SLC25A22: variants seen among roughly 807,000 people sequenced by gnomAD.
SLC25A22 encodes solute carrier family 25 member 22, also known as mitochondrial glutamate carrier 1.
SLC25A22 carries 23 observed loss-of-function variants against 33.7 expected under a neutral mutation model. The ratio of observed to expected loss-of-function variants is 0.68; its 90% CI spans 0.49 to 0.97. The LOEUF (loss-of-function observed/expected upper bound fraction) is 0.97. Among genes scored for constraint, SLC25A22 ranks in the 50% least tolerant of loss-of-function variants. SLC25A22 has a pLI of 0.00. For missense variants in SLC25A22, 390 were observed against 451.1 expected, an observed-to-expected ratio of 0.86 and a Z score of 1.23; for synonymous variants, 245 against 203.8, an observed-to-expected ratio of 1.20 and a Z score of -1.72.
At position 792,677 on chromosome 11, in the gene SLC25A22, C is replaced by A. The variant is rs886048696; in HGVS notation, c.463G>T (p.Gly155Cys). ...GGAGCCTCCACTGAGGGCTGGGCAC[C>A]CCCCTGGGCCGAGAGCTGGCCCTGG... ...AAQGQLSAQG[G>C]AQPSVEAPAA... Residue 155 changes from glycine (G) to cysteine (C), a missense_variant, in exon 7 of 10, where the codon GGT (glycine) becomes TGT (cysteine). By Grantham distance (159) the Gly-to-Cys change is radical. Transcript: ENST00000628067. The A allele has an allele frequency of 2.6e-6, 4 of 1,559,780 alleles. No homozygotes were observed. The highest frequency in any genetic ancestry group is 1.4e-5 in the African/African-American group (1 of 73,964).
intron 2 of SLC25A22, 28 bp from the exon 3 acceptor site, chr11:794,929 CTT>C (rs1864724251): frequency 1.3e-6 from 2 of 1,563,782 alleles, no homozygotes; most frequent in East Asian, 4.7e-5. Context: ...TCAGGACCGG[CTT>C]CCTTGACCAT....
chr11:794,564 G>A (rs1230896417), intron 3 of SLC25A22, 51 bp from the exon 4 acceptor site: 1 of 1,598,658 alleles, frequency 6.3e-7, no homozygotes, highest in Non-Finnish European at 8.5e-7. Context: ...CCAGCCGGAG[G>A]CCAGGGTCCC....
Position 794,795 on chromosome 11 carries a change from G to A in SLC25A22, c.127C>T (p.Gln43Ter). Residue 43 changes from glutamine (Q) to a stop codon, truncating the protein, a stop_gained, in exon 3 of 10, where the codon CAG (glutamine) becomes TAG (stop). Coordinates refer to ENST00000628067, the MANE Select transcript of SLC25A22 (RefSeq NM_001191061.2). LOFTEE classifies it high-confidence loss of function. ...KTRLQNQQNG[Q>*]RVYTSMSDCL... Reference sequence around the variant, plus strand: ...ACTCACATGCTCGTGTACACGCGCTGGCCGTTCTGCTGGTTCTGCAGCCTG... The same window carrying A: ...ACTCACATGCTCGTGTACACGCGCTAGCCGTTCTGCTGGTTCTGCAGCCTG... 1 of 1,598,292 alleles carries A rather than the reference G, an allele frequency of 6.3e-7. No homozygotes were observed.
rs760877587 is a variant in SLC25A22, at chr11:794,412, G to A, written c.202+46C>T. ...CCGCTCCCTGCCACGACTCGCGGGC[G>A]CTACCCAGGCCTGCCCATATCGAGC... is the stretch of plus-strand genomic sequence containing the variant. On this transcript the variant is annotated intron_variant, in intron 4 of 9. Transcript: ENST00000628067. 5.6e-6 allele frequency: 9 copies of A among 1,599,146 alleles called. No homozygotes were observed. In the East Asian group the frequency reaches 1.8e-4, roughly 32 times the overall value.
At chr11:797,016 C>T (rs1425504239) in intron 1 of SLC25A22, among the ~76,000 whole-genome samples, 1 of 152,194 alleles carries the variant, frequency 6.6e-6, no homozygotes, top group African/African-American at 2.4e-5. Context: ...CCTTCATCTC[C>T]ACTCTAGTCC....
intron 1 of SLC25A22, among the ~76,000 whole-genome samples, chr11:797,070 C>G (rs1864860796): frequency 6.6e-6 from 1 of 152,184 alleles, no homozygotes; most frequent in African/African-American, 2.4e-5. Context: ...GAGCAACCCC[C>G]TTCCTCCTGG....
intron 5 of SLC25A22, 200 bp downstream of exon 5, chr11:793,329 G>A (rs932770078): frequency 7.8e-6 from 5 of 638,658 alleles, no homozygotes; most frequent in African/African-American, 3.6e-5. Flanking sequence ...GGGCTACCAA[G>A]CCAGAGCCCC....
At chr11:794,951 T>G in intron 2 of SLC25A22, 36 bp downstream of exon 2, 1 of 1,561,662 alleles carries the variant, frequency 6.4e-7, no homozygotes, top group African/African-American at 1.4e-5. Flanking sequence ...TGGGTCAGGG[T>G]GGGGGTGAGG....
rs1016091615 is a variant in SLC25A22 at position 795,654 on chromosome 11, TC to T, written c.-163-486del. On this transcript the variant is annotated intron_variant, in intron 1 of 9. Coordinates refer to ENST00000628067, the MANE Select transcript of SLC25A22 (RefSeq NM_001191061.2). Reference sequence around the variant, plus strand: ...AGACCCCCCGACCTGGGCTCAGCTATCCCAGGTATAGCTCTCCTCCCATGGC... The same window carrying T: ...AGACCCCCCGACCTGGGCTCAGCTATCCAGGTATAGCTCTCCTCCCATGGC... 202 of 193,498 alleles carry T rather than the reference TC, an allele frequency of 1.0e-3. 3 individuals are homozygous for T. The highest frequency in any genetic ancestry group is 1.4e-3 in the Non-Finnish European group (129 of 91,416). 12.0% of individuals were successfully genotyped at this position (193,498 alleles called of 1,614,324 possible).
Position 794,812 on chromosome 11 carries a change from T to C in SLC25A22, c.110A>G (p.Gln37Arg). 1 of 1,597,206 alleles carries C rather than the reference T, an allele frequency of 6.3e-7. No homozygotes were observed. The highest frequency in any genetic ancestry group is 8.5e-7 in the Non-Finnish European group (1 of 1,173,074). The change falls in exon 3 of 10, where the codon CAG becomes CGG. Residue 37 changes from glutamine to arginine, a missense_variant. Gln to Arg is a conservative substitution (Grantham distance 43). Coordinates refer to ENST00000628067, the MANE Select transcript of SLC25A22 (RefSeq NM_001191061.2). ...FPIDLAKTRL[Q>R]NQQNGQRVYT... Reference sequence around the variant, plus strand: ...CACGCGCTGGCCGTTCTGCTGGTTCTGCAGCCTGGTCTTGGCCAGGTCGAT... The same window carrying C: ...CACGCGCTGGCCGTTCTGCTGGTTCCGCAGCCTGGTCTTGGCCAGGTCGAT...
rs1432924818 is a variant in SLC25A22, at chr11:793,631, G to A, written c.203-12C>T. 2 of 1,586,476 alleles carry A rather than the reference G, an allele frequency of 1.3e-6. No individual in the cohort carries two copies. Among genetic ancestry groups the A allele is most frequent in the Admixed American group, 1.7e-5 (1 of 59,988 alleles). ...GTTCACAGCAGCTCCTGTGGGGCAG[G>A]GGGTCAGCTGGGGGGACATGCTCGG... On this transcript the variant is annotated splice_polypyrimidine_tract_variant and intron_variant, in intron 4 of 9. Coordinates refer to ENST00000628067, the MANE Select transcript of SLC25A22 (RefSeq NM_001191061.2).
intron 1 of SLC25A22, among the ~76,000 whole-genome samples, chr11:796,532 C>T (rs1003815885): frequency 2.0e-5 from 3 of 152,150 alleles, no homozygotes; most frequent in Non-Finnish European, 4.4e-5. Context: ...TGGCCTGGAT[C>T]TGTCTAGGGC....
chr11:794,182 G>A (rs977585283), intron 4 of SLC25A22: 12 of 691,560 alleles, frequency 1.7e-5, no homozygotes, highest in Admixed American at 1.0e-4. Flanking sequence ...AGAAGGCAGA[G>A]GCAGCTGTGG....
chr11:796,069 CG>C (rs1565042207), intron 1 of SLC25A22: 4 of 152,390 alleles, frequency 2.6e-5, no homozygotes, highest in Admixed American at 1.3e-4. Flanking sequence ...CAGGGCCACG[CG>C]GCTGGCTCAC....
rs532222449 is a variant in SLC25A22 at position 797,493 on chromosome 11, G to A, written c.-164+724C>T. 52 of 397,532 alleles carry A rather than the reference G, an allele frequency of 1.3e-4. No homozygotes were observed. The East Asian group carries it at 1.4e-3, about 11-fold the overall frequency. The allele number at this position is 397,532 out of a possible 1,614,324, so 24.6% of individuals were successfully genotyped here. On this transcript the variant is annotated intron_variant, in intron 1 of 9. Coordinates refer to ENST00000628067, the MANE Select transcript of SLC25A22 (RefSeq NM_001191061.2). ...CCCCTTCATAGTCAGGTGAACTGAG[G>A]CCACAGGCAAGCCAGGGAGACAGCA... is the stretch of plus-strand genomic sequence containing the variant.
At position 792,534 on chromosome 11, in the gene SLC25A22, C is replaced by T. The variant is rs1057520368; in HGVS notation, c.587+19G>A. 11 of 1,612,450 alleles carry T rather than the reference C, an allele frequency of 6.8e-6. No individual in the cohort carries two copies. Among genetic ancestry groups the T allele is most frequent in the African/African-American group, 2.7e-5 (2 of 75,014 alleles). ...CCGGCCTCCCCCTTCCCTCCCCCCA[C>T]CTGCCCTGTGCCTCCTACCTGAGCA... On this transcript the variant is annotated intron_variant, in intron 7 of 9. Transcript: ENST00000628067.
Position 793,587 on chromosome 11 carries a change from CGG to C in SLC25A22, c.233_234del (p.Pro78ArgfsTer18). On this transcript the variant is annotated frameshift_variant, in exon 5 of 10. Transcript: ENST00000628067. LOFTEE classifies it high-confidence loss of function. ...GAAVNLTLVT[P>X]EKAIKLAAND... is the part of the protein sequence containing the mutation. ...TTGGCTGCCAGCTTGATGGCCTTCT[CGG>C]GGGTGACGAGGGTCAAGTTCACAGC... The C allele has an allele frequency of 2.5e-6, 4 of 1,611,622 alleles. No individual in the cohort carries two copies. The highest frequency in any genetic ancestry group is 3.4e-6 in the Non-Finnish European group (4 of 1,179,962).
Position 792,888 on chromosome 11 carries a change from G to A in SLC25A22, c.394C>T (p.Gln132Ter), listed in dbSNP as rs1554965669. The change falls in exon 6 of 10, where the codon CAG becomes TAG. Residue 132 changes from glutamine (Q) to a stop codon, truncating the protein, a stop_gained. Transcript: ENST00000628067. LOFTEE classifies it high-confidence loss of function. ...TPMEMLKIQL[Q>*]DAGRIAAQRK... ...CCCTCACCAATGCGCCCTGCATCCT[G>A]CAGCTGGATCTTCAGCATCTCCATG... The A allele has an allele frequency of 1.9e-6, 3 of 1,608,282 alleles. No individual in the cohort carries two copies. In the South Asian group the frequency reaches 3.3e-5, roughly 18 times the overall value.
rs1437130624 is a variant in SLC25A22 at position 792,381 on chromosome 11, T to A, written c.665A>T (p.Lys222Met). The A allele has an allele frequency of 6.2e-7, 1 of 1,613,282 alleles. No homozygotes were observed. Among genetic ancestry groups the A allele is most frequent in the East Asian group, 2.2e-5 (1 of 44,876 alleles). ...NQLGRPASEEKSPFYVSFLAG... is the reference protein window; with the variant it reads ...NQLGRPASEEMSPFYVSFLAG... ...CAGGAAGGACACGTAGAAAGGCGAC[T>A]TCTCCTCGGACGCCGGGCGGCCCAG... The change falls in exon 8 of 10, where the codon AAG becomes ATG. Residue 222 changes from lysine to methionine, a missense_variant. Transcript: ENST00000628067.
Sources: allele counts gnomAD v4.1 joint callset (sites outside exome capture counted in the v4.1 genomes callset), GRCh38; gene constraint gnomAD v4.1.1; transcripts MANE v1.5; gene names NCBI Gene and HGNC (gene_info 2026-07-23, HGNC 2026-07-21).